The following NECTIN3 variants were observed in gnomAD, a reference collection of about 807,000 sequenced individuals.
NECTIN3 encodes nectin-3.
NECTIN3 carries 8 observed loss-of-function variants against 49.4 expected under a neutral mutation model. The observed-to-expected ratio is 0.16, with a 90% CI of 0.10 to 0.29. NECTIN3 has a LOEUF of 0.29. Ranked by LOEUF, NECTIN3 falls within the 10% of genes least tolerant of loss-of-function variation. NECTIN3 has a pLI of 1.00. For missense variants in NECTIN3, 581 were observed against 654.6 expected (o/e 0.89, Z 1.23); for synonymous variants, 277 against 241.1 (o/e 1.15, Z -1.38).
At chr3:111,133,345 G>A (rs1302910010) in intron 5 of NECTIN3, among the ~76,000 whole-genome samples, 1 of 151,642 alleles carries the variant, frequency 6.6e-6, no homozygotes, top group Non-Finnish European at 1.5e-5. Context: ...CCTCTTTTCT[G>A]GAGTACAATA....
rs1414651026 is a variant in NECTIN3 at position 111,072,073 on chromosome 3, T to G, written c.56T>G (p.Leu19Arg). The G allele has an allele frequency of 2.6e-5, 41 of 1,548,968 alleles. No individual in the cohort carries two copies. The highest frequency in any genetic ancestry group is 3.4e-5 in the Non-Finnish European group (39 of 1,146,014). Residue 19 changes from leucine (L) to arginine (R), a missense_variant, in exon 1 of 6, where the codon CTT becomes CGT. Transcript: ENST00000485303. ...PLCPGGGKAQ[L>R]SSASLLGAGL... Reference sequence around the variant, plus strand: ...TGTCCTGGAGGCGGCAAAGCACAACTTTCCTCCGCTTCTCTCCTCGGAGCC... The same window carrying G: ...TGTCCTGGAGGCGGCAAAGCACAACGTTCCTCCGCTTCTCTCCTCGGAGCC...
chr3:111,149,459 ATGTG>A (rs56219611), intron 7 of NECTIN3, among the ~76,000 whole-genome samples: 7,535 of 128,274 alleles, frequency 0.059, 199 homozygotes, highest in Middle Eastern at 0.078. Flanking sequence ...TTCTGGTAGG[ATGTG>A]TGTGTGTGTG....
At chr3:111,084,936 T>C (rs867308082) in intron 1 of NECTIN3, among the ~76,000 whole-genome samples, 2 of 152,214 alleles carry the variant, frequency 1.3e-5, no homozygotes, top group Non-Finnish European at 2.9e-5. Context: ...AGCCTGGAAG[T>C]CTGAAATCAA....
At chr3:111,143,015 G>C (rs1210077673) in intron 5 of NECTIN3, among the ~76,000 whole-genome samples, 1 of 151,796 alleles carries the variant, frequency 6.6e-6, no homozygotes, top group Non-Finnish European at 1.5e-5. Context: ...TGGTCAAATT[G>C]CATAACCTTA....
At chr3:111,121,299 C>T (rs2107469151) in intron 3 of NECTIN3, among the ~76,000 whole-genome samples, 1 of 152,074 alleles carries the variant, frequency 6.6e-6, no homozygotes, top group East Asian at 1.9e-4. Context: ...AGGCGTGAGC[C>T]CCCGCGCTGG....
intron 3 of NECTIN3, among the ~76,000 whole-genome samples, chr3:111,121,238 C>A (rs1429026026): frequency 2.0e-5 from 3 of 150,120 alleles, no homozygotes; most frequent in Non-Finnish European, 4.4e-5. Context: ...TGGTCTCAAT[C>A]TCCTGACCTC....
intron 7 of NECTIN3, among the ~76,000 whole-genome samples, chr3:111,150,836 A>G (rs2034986353): frequency 6.6e-6 from 1 of 151,882 alleles, no homozygotes. Context: ...AATTTAGGAG[A>G]TACTGTTTAT....
upstream of NECTIN3, among the ~76,000 whole-genome samples, chr3:111,190,857 TGATGTGTGCTATAATAGA>T (rs978977343): frequency 6.6e-6 from 1 of 152,182 alleles, no homozygotes; most frequent in African/African-American, 2.4e-5. Context: ...AAGACAGTCA[TGATGTGTGCTATAATAGA>T]GATAAAAACA....
At chr3:111,172,063 C>T (rs879180804) in intron 7 of NECTIN3, among the ~76,000 whole-genome samples, 1 of 152,290 alleles carries the variant, frequency 6.6e-6, no homozygotes, top group South Asian at 2.1e-4. Context: ...CTTATGGACA[C>T]TTGCCATATT....
intron 1 of NECTIN3, among the ~76,000 whole-genome samples, chr3:111,091,128 C>G (rs1453139112): frequency 6.6e-6 from 1 of 152,056 alleles, no homozygotes; most frequent in Non-Finnish European, 1.5e-5. Context: ...TAAGTCAGTT[C>G]CCATTTTACC....
chr3:111,094,539 A>C (rs2032475132), intron 1 of NECTIN3, among the ~76,000 whole-genome samples: 1 of 152,184 alleles, frequency 6.6e-6, no homozygotes. Flanking sequence ...TACAGGACTC[A>C]GAAGAGTCAT....
intron 1 of NECTIN3, among the ~76,000 whole-genome samples, chr3:111,093,752 C>T (rs1359429417): frequency 6.6e-6 from 1 of 151,870 alleles, no homozygotes; most frequent in Non-Finnish European, 1.5e-5. Flanking sequence ...ATCTCTTAAA[C>T]CAAATGAAAT....
intron 7 of NECTIN3, among the ~76,000 whole-genome samples, chr3:111,161,099 G>A (rs1240721271): frequency 6.6e-6 from 1 of 152,226 alleles, no homozygotes. Context: ...AAGAATAAGT[G>A]TGAGGATATG....
intron 1 of NECTIN3, among the ~76,000 whole-genome samples, chr3:111,078,364 T>C (rs2031372888): frequency 6.6e-6 from 1 of 152,172 alleles, no homozygotes; most frequent in African/African-American, 2.4e-5. Flanking sequence ...ATTTTTTTCA[T>C]GCTTTCAGGC....
chr3:111,186,021 A>G (rs2035712665), intron 7 of NECTIN3, among the ~76,000 whole-genome samples: 1 of 152,166 alleles, frequency 6.6e-6, no homozygotes. Context: ...AAGTAATTAA[A>G]TAACATATTC....
At position 111,071,906 on chromosome 3, in the gene NECTIN3, G is replaced by T; in HGVS notation, c.-112G>T. The T allele has an allele frequency of 3.0e-6, 2 of 676,822 alleles. No individual in the cohort carries two copies. The highest frequency in any genetic ancestry group is 4.3e-6 in the Non-Finnish European group (2 of 466,584). The allele number at this position is 676,822 out of a possible 1,614,324, so 41.9% of individuals were successfully genotyped here. ...CCGGCAGCGACGGCGCTAGAGCTGGGAGCTGGGGACGCGCGCGCCGGACCT... is the reference window on the plus strand; with the variant it reads ...CCGGCAGCGACGGCGCTAGAGCTGGTAGCTGGGGACGCGCGCGCCGGACCT... On this transcript the variant is annotated 5_prime_UTR_variant, in exon 1 of 6. Transcript: ENST00000485303.
chr3:111,138,884 C>G (rs1576155511), downstream of NECTIN3, among the ~76,000 whole-genome samples: 1 of 151,546 alleles, frequency 6.6e-6, no homozygotes, highest in African/African-American at 2.4e-5. Context: ...AGAAATATCC[C>G]AGGGAAAACC....
intron 3 of NECTIN3, among the ~76,000 whole-genome samples, chr3:111,119,605 C>T (rs545597742): frequency 1.3e-5 from 2 of 152,216 alleles, no homozygotes; most frequent in Non-Finnish European, 1.5e-5. Flanking sequence ...GCTGGGATTA[C>T]AGGCATGAGC....
At chr3:111,086,614 A>T (rs991482034) in intron 1 of NECTIN3, among the ~76,000 whole-genome samples, 3 of 152,298 alleles carry the variant, frequency 2.0e-5, no homozygotes, top group African/African-American at 7.2e-5. Flanking sequence ...CTATCTCTGT[A>T]CAAGTATCAT....
Sources: gnomAD v4.1 joint callset for allele counts (sites outside exome capture counted in the v4.1 genomes callset) on GRCh38, gnomAD v4.1.1 for gene constraint, MANE v1.5 for transcripts, NCBI Gene and HGNC (gene_info 2026-07-23, HGNC 2026-07-21) for gene names.